Variants in PPP3CA observed in about 807,000 individuals in gnomAD.
The protein encoded by PPP3CA is protein phosphatase 3 catalytic subunit alpha, also known as CAM-PRP catalytic subunit.
A neutral mutation model predicts 66.5 loss-of-function variants in PPP3CA; 14 were observed. That is an observed-to-expected ratio of 0.21 (90% CI 0.14 to 0.33). PPP3CA has a LOEUF of 0.33. PPP3CA is among the 10% of genes least tolerant of loss of function. The pLI, the probability that PPP3CA is intolerant of heterozygous loss-of-function variation, is 1.00. For synonymous variants in PPP3CA, 232 were observed against 226.2 expected, an observed-to-expected ratio of 1.03 and a Z score of -0.23; for missense variants, 317 against 639.5, an observed-to-expected ratio of 0.50 and a Z score of 5.44.
intron 2 of PPP3CA, among the ~76,000 whole-genome samples, chr4:101,131,787 C>T (rs1722450088): frequency 6.6e-6 from 1 of 152,190 alleles, no homozygotes; most frequent in Admixed American, 6.5e-5. Flanking sequence ...CATCCCAAAT[C>T]AACAGAATAT....
intron 1 of PPP3CA, among the ~76,000 whole-genome samples, chr4:101,346,005 C>T (rs1729973570): frequency 6.6e-6 from 1 of 152,130 alleles, no homozygotes; most frequent in African/African-American, 2.4e-5. Context: ...CTCCCCGGGG[C>T]GTGCGGGGGA....
intron 2 of PPP3CA, among the ~76,000 whole-genome samples, chr4:101,142,463 A>G (rs771768514): frequency 6.6e-6 from 1 of 152,220 alleles, no homozygotes; most frequent in Non-Finnish European, 1.5e-5. Context: ...AACAACAATA[A>G]TGATAATATC....
chr4:101,145,501 G>C (rs1722941067), intron 2 of PPP3CA, among the ~76,000 whole-genome samples: 1 of 152,092 alleles, frequency 6.6e-6, no homozygotes, highest in Non-Finnish European at 1.5e-5. Flanking sequence ...TGGAGGGCAG[G>C]ATGTTAAGTG....
At chr4:101,168,186 G>C (rs1723754437) in intron 2 of PPP3CA, among the ~76,000 whole-genome samples, 1 of 152,156 alleles carries the variant, frequency 6.6e-6, no homozygotes, top group Non-Finnish European at 1.5e-5. Context: ...TTTAAAGACA[G>C]AGCTAAAAGA....
At chr4:101,077,086 G>A (rs1729228558) in intron 8 of PPP3CA, among the ~76,000 whole-genome samples, 1 of 152,188 alleles carries the variant, frequency 6.6e-6, no homozygotes, top group Non-Finnish European at 1.5e-5. Context: ...GGATGAGACT[G>A]AATGAATTAA....
chr4:101,155,222 T>C (rs1723280096), intron 2 of PPP3CA, among the ~76,000 whole-genome samples: 1 of 152,176 alleles, frequency 6.6e-6, no homozygotes, highest in Non-Finnish European at 1.5e-5. Flanking sequence ...CATTCTTTCC[T>C]TTTGACGTGT....
At position 101,306,840 on chromosome 4, in the gene PPP3CA, T is replaced by C. The variant is rs77417632; in HGVS notation, c.58+39899A>G. 5.0e-3 allele frequency among the ~76,000 whole-genome samples: 762 copies of C among 152,278 alleles called. 5 individuals carry two copies. Among genetic ancestry groups the C allele is most frequent in the African/African-American group, 0.016 (684 of 41,572 alleles). On this transcript the variant is annotated intron_variant, in intron 1 of 13. Transcript: ENST00000394854. ...ATACTCTGATTTTTTTTTGTCTGTT[T>C]GTTTAGTTGTGGTAGCTCCTTTAGT... is the stretch of plus-strand genomic sequence containing the variant.
chr4:101,115,043 G>A (rs1013717726), intron 2 of PPP3CA, among the ~76,000 whole-genome samples: 6 of 151,984 alleles, frequency 3.9e-5, no homozygotes, highest in Non-Finnish European at 2.9e-5. Context: ...GGGTGGTGTG[G>A]TAGTCCAGGA....
chr4:101,111,273 G>C (rs1721660738), intron 2 of PPP3CA, among the ~76,000 whole-genome samples: 1 of 152,116 alleles, frequency 6.6e-6, no homozygotes, highest in African/African-American at 2.4e-5. Flanking sequence ...TTGAAGGAAG[G>C]AACTTCAAGG....
intron 2 of PPP3CA, among the ~76,000 whole-genome samples, chr4:101,130,806 A>G (rs1204010028): frequency 6.6e-6 from 1 of 152,240 alleles, no homozygotes; most frequent in East Asian, 1.9e-4. Flanking sequence ...TGTAAAGTCT[A>G]TCGATATTAT....
chr4:101,173,034 A>C (rs1337336471), intron 2 of PPP3CA, among the ~76,000 whole-genome samples: 1 of 152,170 alleles, frequency 6.6e-6, no homozygotes, highest in Non-Finnish European at 1.5e-5. Flanking sequence ...GGAGCTCCAC[A>C]AGCCAACTTC....
chr4:101,052,402 C>A (rs969644275), intron 10 of PPP3CA, among the ~76,000 whole-genome samples: 1 of 151,922 alleles, frequency 6.6e-6, no homozygotes, highest in African/African-American at 2.4e-5. Flanking sequence ...CTAGCTATAA[C>A]AAGGTGTCTT....
intron 10 of PPP3CA, among the ~76,000 whole-genome samples, chr4:101,048,539 A>G (rs1727871919): frequency 7.0e-6 from 1 of 143,768 alleles, no homozygotes; most frequent in Non-Finnish European, 1.5e-5. Flanking sequence ...AAAAAAAGCC[A>G]TATGTATGCC....
At chr4:101,218,631 A>C (rs1246067928) in intron 1 of PPP3CA, among the ~76,000 whole-genome samples, 1 of 152,092 alleles carries the variant, frequency 6.6e-6, no homozygotes, top group Non-Finnish European at 1.5e-5. Flanking sequence ...ATTTAGAAAA[A>C]ACAAAGGAAA....
chr4:101,198,871 C>T (rs890047426), intron 1 of PPP3CA, among the ~76,000 whole-genome samples: 4 of 152,002 alleles, frequency 2.6e-5, no homozygotes, highest in Admixed American at 1.3e-4. Context: ...GAGATATTGG[C>T]GCTGGTTCCA....
At chr4:101,346,069 C>T (rs898989174) in intron 1 of PPP3CA, among the ~76,000 whole-genome samples, 5 of 152,046 alleles carry the variant, frequency 3.3e-5, no homozygotes, top group Admixed American at 1.3e-4. Flanking sequence ...CCTCCCGCGC[C>T]CCCCGCGGCC....
rs558963864 is a variant in PPP3CA, at chr4:101,069,953, T to C, written c.956-6596A>G. Reference sequence around the variant, plus strand: ...GAAGGCTCTGAGCAACAGTAGGCTATTAGTAGTTAAGTTTTTGATGAATCA... The same window carrying C: ...GAAGGCTCTGAGCAACAGTAGGCTACTAGTAGTTAAGTTTTTGATGAATCA... On this transcript the variant is annotated intron_variant, in intron 8 of 13. Transcript: ENST00000394854. Among the ~76,000 whole-genome samples the C allele has an allele frequency of 3.3e-5, 5 of 152,270 alleles. No individual in the cohort carries two copies. In the South Asian group the frequency reaches 1.0e-3, roughly 32 times the overall value.
chr4:101,096,793 T>G (rs1035227039), intron 5 of PPP3CA, among the ~76,000 whole-genome samples: 1 of 152,200 alleles, frequency 6.6e-6, no homozygotes, highest in Non-Finnish European at 1.5e-5. Context: ...GATACATGAA[T>G]AGATAAAATA....
chr4:101,333,299 T>TTTTTTTTTTTTTTTTTTTTTTTG (rs1729503972), intron 1 of PPP3CA, among the ~76,000 whole-genome samples: 1 of 124,898 alleles, frequency 8.0e-6, no homozygotes. Context: ...TTTTTTTTTT[T>TTTTTTTTTTTTTTTTTTTTTTTG]TTTTTTTTTT....
Sources: gnomAD v4.1 joint callset for allele counts (sites outside exome capture counted in the v4.1 genomes callset) on GRCh38, gnomAD v4.1.1 for gene constraint, MANE v1.5 for transcripts, NCBI Gene and HGNC (gene_info 2026-07-23, HGNC 2026-07-21) for gene names.